UNC5C: variants seen among roughly 807,000 people sequenced by gnomAD.
UNC5C encodes the protein unc-5 netrin receptor C, also known as netrin receptor UNC5C.
A neutral mutation model predicts 99.8 loss-of-function variants in UNC5C; 47 were observed. The observed-to-expected ratio is 0.47, with a 90% confidence interval of 0.37 to 0.60. The LOEUF is 0.60. Ranked by LOEUF, UNC5C falls within the 20% of genes least tolerant of loss-of-function variation. The pLI, the probability that UNC5C is intolerant of heterozygous loss-of-function variation, is 0.00. For synonymous variants in UNC5C, 487 were observed against 452.2 expected (o/e 1.08, Z -0.98); for missense variants, 1,062 against 1,165.9 (o/e 0.91, Z 1.30).
intron 1 of UNC5C, among the ~76,000 whole-genome samples, chr4:95,354,468 C>CATATATATAT (rs1553965986): frequency 4.1e-5 from 4 of 98,224 alleles, no homozygotes; most frequent in African/African-American, 1.3e-4. Flanking sequence ...CTAACTCTTC[C>CATATATATAT]ATATATATAT....
At chr4:95,335,985 G>A (rs1023916512) in intron 1 of UNC5C, among the ~76,000 whole-genome samples, 10 of 151,752 alleles carry the variant, frequency 6.6e-5, no homozygotes, top group African/African-American at 2.4e-4. Flanking sequence ...CTTGAGAGCA[G>A]ACAAAAGCAA....
chr4:95,406,083 T>C (rs767538508), intron 1 of UNC5C, among the ~76,000 whole-genome samples: 2 of 152,100 alleles, frequency 1.3e-5, no homozygotes, highest in Non-Finnish European at 2.9e-5. Flanking sequence ...TCCGTGGCAC[T>C]AGCAAAAAAT....
chr4:95,454,774 A>G (rs756299776), intron 1 of UNC5C, among the ~76,000 whole-genome samples: 1 of 152,108 alleles, frequency 6.6e-6, no homozygotes, highest in Non-Finnish European at 1.5e-5. Context: ...TTATGACTCA[A>G]TGATTTTCTG....
At chr4:95,409,868 C>A (rs765123128) in intron 1 of UNC5C, among the ~76,000 whole-genome samples, 7 of 152,180 alleles carry the variant, frequency 4.6e-5, no homozygotes, top group Non-Finnish European at 1.0e-4. Flanking sequence ...AGGGCATAAG[C>A]AGTGCTGCTC....
intron 1 of UNC5C, among the ~76,000 whole-genome samples, chr4:95,339,890 G>T (rs1219449722): frequency 1.3e-5 from 2 of 151,304 alleles, no homozygotes; most frequent in Non-Finnish European, 2.9e-5. Flanking sequence ...ACGCATTTTT[G>T]ATTTAGATGT....
intron 1 of UNC5C, among the ~76,000 whole-genome samples, chr4:95,520,065 A>C (rs942097968): frequency 6.6e-6 from 1 of 152,148 alleles, no homozygotes; most frequent in Non-Finnish European, 1.5e-5. Context: ...CACTCCAAAC[A>C]CTTTGAGATC....
intron 1 of UNC5C, among the ~76,000 whole-genome samples, chr4:95,339,230 T>C (rs1743463906): frequency 6.6e-6 from 1 of 152,052 alleles, no homozygotes; most frequent in African/African-American, 2.4e-5. Context: ...CAAGGGAAGG[T>C]GTGTGACTTT....
At chr4:95,521,842 T>A (rs1277025537) in intron 1 of UNC5C, among the ~76,000 whole-genome samples, 1 of 152,194 alleles carries the variant, frequency 6.6e-6, no homozygotes, top group African/African-American at 2.4e-5. Context: ...TAACACTAAA[T>A]GGTGCAATTA....
At chr4:95,241,318 C>G (rs1739323669) in intron 7 of UNC5C, among the ~76,000 whole-genome samples, 1 of 152,152 alleles carries the variant, frequency 6.6e-6, no homozygotes, top group African/African-American at 2.4e-5. Flanking sequence ...GCAGTGTACC[C>G]TGAACATAAA....
At chr4:95,377,968 C>G (rs1309913287) in intron 1 of UNC5C, among the ~76,000 whole-genome samples, 1 of 152,132 alleles carries the variant, frequency 6.6e-6, no homozygotes, top group Admixed American at 6.5e-5. Flanking sequence ...TGTGAATGGG[C>G]ACAGGTTCCT....
At position 95,278,293 on chromosome 4, in the gene UNC5C, T is replaced by TGGAGTAAG; in HGVS notation, c.552_559dup (p.Gln187ProfsTer19). 1 of 1,614,132 alleles carries TGGAGTAAG rather than the reference T, an allele frequency of 6.2e-7. No homozygotes were observed. The highest frequency in any genetic ancestry group is 8.5e-7 in the Non-Finnish European group (1 of 1,180,008). Reference sequence around the variant, plus strand: ...TGGGATCCCTTCAGGTGGTCGACACTGGAGTAAGACTTCCTGTTCCAAAGA... The same window carrying TGGAGTAAG: ...TGGGATCCCTTCAGGTGGTCGACACTGGAGTAAGGGAGTAAGACTTCCTGTTCCAAAGA... On this transcript the variant is annotated frameshift_variant, in exon 4 of 16. Transcript: ENST00000453304. LOFTEE classifies it high-confidence loss of function.
At chr4:95,405,316 C>T (rs974886860) in intron 1 of UNC5C, among the ~76,000 whole-genome samples, 10 of 152,164 alleles carry the variant, frequency 6.6e-5, no homozygotes, top group African/African-American at 1.7e-4. Flanking sequence ...CTCCCCCTCA[C>T]GGAAGGGGTT....
At chr4:95,194,764 G>T (rs774730782) in intron 12 of UNC5C, among the ~76,000 whole-genome samples, 1 of 152,174 alleles carries the variant, frequency 6.6e-6, no homozygotes, top group Non-Finnish European at 1.5e-5. Context: ...GCCATGTAGG[G>T]TAAAATACTC....
chr4:95,293,847 T>C (rs1741576414), intron 3 of UNC5C, among the ~76,000 whole-genome samples: 1 of 152,120 alleles, frequency 6.6e-6, no homozygotes, highest in African/African-American at 2.4e-5. Context: ...ATAACACTCA[T>C]CACATAGAGT....
At chr4:95,471,974 T>A (rs1747984329) in intron 1 of UNC5C, among the ~76,000 whole-genome samples, 1 of 152,148 alleles carries the variant, frequency 6.6e-6, no homozygotes, top group African/African-American at 2.4e-5. Flanking sequence ...GCAGAAAGAA[T>A]CACATTAAGA....
chr4:95,547,022 C>G (rs771079059), intron 1 of UNC5C, among the ~76,000 whole-genome samples: 1 of 151,856 alleles, frequency 6.6e-6, no homozygotes, highest in Admixed American at 6.6e-5. Flanking sequence ...GTTGATTCCA[C>G]GACTATTCAT....
chr4:95,347,204 A>G (rs1743807776), intron 1 of UNC5C, among the ~76,000 whole-genome samples: 1 of 152,012 alleles, frequency 6.6e-6, no homozygotes, highest in South Asian at 2.1e-4. Context: ...CATTAATTAA[A>G]GAAGTGAAAT....
Position 95,250,548 on chromosome 4 carries a change from G to A in UNC5C, c.714C>T (p.Thr238=). Reference sequence around the variant, plus strand: ...TGGCAACAATGTTTTTGGCAACACAGGTGTAATTTGCAGTATCAGAGAGTC... The same window carrying A: ...TGGCAACAATGTTTTTGGCAACACAAGTGTAATTTGCAGTATCAGAGAGTC... The part of the protein sequence containing the change: ...QARLSDTANY[T]CVAKNIVAKR... The change falls in exon 5 of 16, where the codon ACC becomes ACT. Residue 238 remains threonine, a synonymous_variant. Coordinates refer to ENST00000453304, the MANE Select transcript of UNC5C (RefSeq NM_003728.4). The A allele has an allele frequency of 6.2e-7, 1 of 1,614,034 alleles. No homozygotes were observed. The highest frequency in any genetic ancestry group is 8.5e-7 in the Non-Finnish European group (1 of 1,179,972).
chr4:95,334,430 T>G (rs140975942), intron 2 of UNC5C, among the ~76,000 whole-genome samples: 11 of 152,104 alleles, frequency 7.2e-5, no homozygotes, highest in African/African-American at 2.2e-4. Flanking sequence ...TTCTTTGGCT[T>G]GAAAATGTTG....
Sources: gnomAD v4.1 joint callset for allele counts (sites outside exome capture counted in the v4.1 genomes callset) on GRCh38, gnomAD v4.1.1 for gene constraint, MANE v1.5 for transcripts, NCBI Gene and HGNC (gene_info 2026-07-23, HGNC 2026-07-21) for gene names.